The following DYNC2I1 variants were observed in gnomAD, a reference collection of about 807,000 sequenced individuals.
The protein encoded by DYNC2I1 is dynein 2 intermediate chain 1.
DYNC2I1 carries 89 observed loss-of-function variants against 133.4 expected under a neutral mutation model. The observed-to-expected ratio is 0.67, with a 90% CI of 0.56 to 0.80. The LOEUF is 0.80. Ranked by LOEUF, DYNC2I1 falls within the 30% of genes least tolerant of loss-of-function variation. The pLI, the probability that DYNC2I1 is intolerant of heterozygous loss-of-function variation, is 0.00. For missense variants in DYNC2I1, 1,291 were observed against 1,314.5 expected, an observed-to-expected ratio of 0.98 and a Z score of 0.28; for synonymous variants, 504 against 484.3, an observed-to-expected ratio of 1.04 and a Z score of -0.54.
At chr7:158,907,802 A>G (rs962384908) in intron 11 of DYNC2I1, among the ~76,000 whole-genome samples, 1 of 151,766 alleles carries the variant, frequency 6.6e-6, no homozygotes, top group African/African-American at 2.4e-5. Flanking sequence ...ATGTAGAGGC[A>G]GTGTCTTGCC....
chr7:158,862,357 A>G (rs1216357627), intron 1 of DYNC2I1, among the ~76,000 whole-genome samples: 1 of 141,586 alleles, frequency 7.1e-6, no homozygotes, highest in Admixed American at 6.7e-5. Flanking sequence ...AATAACATTG[A>G]TTATTGATTG....
intron 4 of DYNC2I1, among the ~76,000 whole-genome samples, chr7:158,955,035 G>A (rs1274479605): frequency 6.6e-6 from 1 of 152,154 alleles, no homozygotes; most frequent in Admixed American, 6.5e-5. Flanking sequence ...GGGTATTTTG[G>A]GGTGAGTCTG....
At chr7:158,937,277 G>A (rs1850854086) in intron 23 of DYNC2I1, among the ~76,000 whole-genome samples, 1 of 152,232 alleles carries the variant, frequency 6.6e-6, no homozygotes, top group Non-Finnish European at 1.5e-5. Flanking sequence ...GCTGTCAGCA[G>A]CAGAGTGGAT....
At chr7:158,859,939 A>C (rs935272155) in intron 1 of DYNC2I1, among the ~76,000 whole-genome samples, 12 of 152,186 alleles carry the variant, frequency 7.9e-5, no homozygotes, top group African/African-American at 2.9e-4. Flanking sequence ...TAATTATGTA[A>C]CTATTAGGCT....
intron 1 of DYNC2I1, among the ~76,000 whole-genome samples, chr7:158,857,393 ATTG>A (rs1841375868): frequency 6.6e-6 from 1 of 152,110 alleles, no homozygotes; most frequent in African/African-American, 2.4e-5. Flanking sequence ...ATTCTTATCT[ATTG>A]ATTCCCCACT....
chr7:158,943,033 T>C (rs1259600882), intron 24 of DYNC2I1, among the ~76,000 whole-genome samples: 3 of 152,322 alleles, frequency 2.0e-5, no homozygotes, highest in South Asian at 4.1e-4. Context: ...TTTTAATAAA[T>C]TCTCCTACTG....
chr7:158,927,063 A>G lies in DYNC2I1; in HGVS notation c.2485+20A>G, dbSNP rs1849697454. ...ATTTAGGTAACTATTAAGTAAAAAA[A>G]TTAATTTTAGTGTTTTCTAAAATGA... is the stretch of plus-strand genomic sequence containing the variant. On this transcript the variant is annotated intron_variant, in intron 20 of 24. Coordinates refer to ENST00000407559, the MANE Select transcript of DYNC2I1 (RefSeq NM_018051.5). 1.9e-6 allele frequency: 3 copies of G among 1,553,484 alleles called. No individual in the cohort carries two copies. Among genetic ancestry groups the G allele is most frequent in the Non-Finnish European group, 2.6e-6 (3 of 1,141,404 alleles).
intron 11 of DYNC2I1, 64 bp from the exon 12 acceptor site, chr7:158,911,486 C>T: frequency 6.4e-7 from 1 of 1,553,400 alleles, no homozygotes; most frequent in Non-Finnish European, 8.7e-7. Flanking sequence ...CTTCTGTTCT[C>T]CCTACACTTC....
At chr7:158,928,893 T>C (rs10243292) in intron 20 of DYNC2I1, among the ~76,000 whole-genome samples, 6 of 152,168 alleles carry the variant, frequency 3.9e-5, no homozygotes, top group African/African-American at 1.4e-4. Flanking sequence ...TGTTACATGA[T>C]CAAGGTATTT....
At chr7:158,873,176 TA>T (rs1843029013) in intron 3 of DYNC2I1, among the ~76,000 whole-genome samples, 1 of 152,212 alleles carries the variant, frequency 6.6e-6, no homozygotes, top group Non-Finnish European at 1.5e-5. Context: ...TAAAGGTACA[TA>T]CTTTTTTTCC....
downstream of DYNC2I1, among the ~76,000 whole-genome samples, chr7:158,947,214 C>A (rs541384668): frequency 6.6e-6 from 1 of 152,260 alleles, no homozygotes; most frequent in African/African-American, 2.4e-5. Context: ...AGGCACGCGG[C>A]CTCTCTCTGC....
chr7:158,954,714 A>G (rs1459473600), intron 4 of DYNC2I1, among the ~76,000 whole-genome samples: 2 of 152,278 alleles, frequency 1.3e-5, no homozygotes, highest in African/African-American at 4.8e-5. Context: ...AACTGAAATT[A>G]TATTAAAAAT....
the DYNC2I1 span, among the ~76,000 whole-genome samples, chr7:158,850,489 C>T: frequency 2.6e-5 from 4 of 152,220 alleles, no homozygotes; most frequent in East Asian, 7.7e-4. Context: ...AGTGTGCAGC[C>T]CCAGCCAGGC....
intron 1 of DYNC2I1, among the ~76,000 whole-genome samples, chr7:158,868,490 C>G (rs568327757): frequency 6.6e-6 from 1 of 152,352 alleles, no homozygotes; most frequent in South Asian, 2.1e-4. Context: ...AAACAACAAA[C>G]ATCAGAGGAG....
At chr7:158,854,149 T>G (rs556628128), upstream of DYNC2I1, among the ~76,000 whole-genome samples, 2 of 152,256 alleles carry the variant, frequency 1.3e-5, no homozygotes, top group East Asian at 3.9e-4. Flanking sequence ...TGAGCCAGTT[T>G]ATCCATCTGG....
downstream of DYNC2I1, among the ~76,000 whole-genome samples, chr7:158,957,446 G>A (rs1394379587): frequency 1.3e-5 from 2 of 152,182 alleles, no homozygotes; most frequent in Non-Finnish European, 2.9e-5. Context: ...TACATTCATT[G>A]AAAATTAACC....
chr7:158,926,864 C>G (rs1211522343), intron 19 of DYNC2I1, 128 bp from the exon 20 acceptor site: 1 of 680,880 alleles, frequency 1.5e-6, no homozygotes, highest in Non-Finnish European at 2.5e-6. Flanking sequence ...AAAGATCAGT[C>G]TCTTTTTCTG....
chr7:158,927,045 T>TAAG lies in DYNC2I1; in HGVS notation c.2485+4_2485+5insGAA. The TAAG allele has an allele frequency of 6.3e-7, 1 of 1,591,040 alleles. No homozygotes were observed. Among genetic ancestry groups the TAAG allele is most frequent in the South Asian group, 1.1e-5 (1 of 88,046 alleles). On this transcript the variant is annotated splice_region_variant and intron_variant, in intron 20 of 24. Transcript: ENST00000407559. ...TCGCAGGTTCAATAAGTGATTTAGG[T>TAAG]AACTATTAAGTAAAAAAATTAATTT...
Position 158,884,599 on chromosome 7 carries a change from A to G in DYNC2I1, c.915A>G (p.Lys305=). The stretch of plus-strand genomic sequence containing the variant: ...ACAGAAATCGAGGTGCAAGCTCAAA[A>G]AGAGATGGGACCAGCAGCCAGTAAG... ...GEHRNRGASS[K]RDGTSSQHAE... is the part of the protein sequence containing the mutation. The change falls in exon 6 of 25, where the codon AAA becomes AAG. Residue 305 remains lysine (K), a synonymous_variant. Transcript: ENST00000407559. 6.2e-7 allele frequency: 1 copy of G among 1,613,354 alleles called. No homozygotes were observed. Among genetic ancestry groups the G allele is most frequent in the Non-Finnish European group, 8.5e-7 (1 of 1,179,624 alleles).
Sources: gnomAD v4.1 joint callset for allele counts (sites outside exome capture counted in the v4.1 genomes callset) on GRCh38, gnomAD v4.1.1 for gene constraint, MANE v1.5 for transcripts, NCBI Gene and HGNC (gene_info 2026-07-23, HGNC 2026-07-21) for gene names.